Variants in CD72 observed in about 807,000 individuals in gnomAD.
CD72 encodes the protein CD72 molecule.
A neutral mutation model predicts 50.7 loss-of-function variants in CD72; 28 were observed. The observed-to-expected ratio is 0.55, with a 90% CI of 0.41 to 0.76. The LOEUF is 0.76. Among genes scored for constraint, CD72 ranks in the 30% least tolerant of loss-of-function variants. The pLI, the probability that CD72 is intolerant of heterozygous loss-of-function variation, is 0.00. For missense variants in CD72, 403 were observed against 420.6 expected, an observed-to-expected ratio of 0.96 and a Z score of 0.37; for synonymous variants, 176 against 171.2, an observed-to-expected ratio of 1.03 and a Z score of -0.22.
Position 35,618,073 on chromosome 9 carries a change from A to C in CD72, c.131T>G (p.Val44Gly). The C allele has an allele frequency of 6.2e-7, 1 of 1,614,100 alleles. No homozygotes were observed. Among genetic ancestry groups the C allele is most frequent in the East Asian group, 2.2e-5 (1 of 44,882 alleles). The change falls in exon 2 of 9, where the codon GTG becomes GGG. Residue 44 changes from valine (V) to glycine (G), a missense_variant. By Grantham distance (109) the Val-to-Gly change is moderately radical (BLOSUM62 -3). Transcript: ENST00000259633. ...TGAGGGCACCCCTAGGACTGCGGGC[A>C]CTTGAACATTCTCGTAGGTGATTTC... ...DGEITYENVQ[V>G]PAVLGVPSSL...
chr9:35,631,667 G>C (rs1468953843), intron 1 of CD72, among the ~76,000 whole-genome samples: 2 of 152,154 alleles, frequency 1.3e-5, no homozygotes, highest in Non-Finnish European at 2.9e-5. Flanking sequence ...GCCGAGGCGG[G>C]CGGATCACGA....
At chr9:35,617,001 C>T in intron 3 of CD72, 175 bp downstream of exon 3, 1 of 1,449,800 alleles carries the variant, frequency 6.9e-7, no homozygotes, top group Non-Finnish European at 9.0e-7. Context: ...GGGCGGTGCA[C>T]GTCGGATTCA....
At chr9:35,618,587 C>A, upstream of CD72, 1 of 673,686 alleles carries the variant, frequency 1.5e-6, no homozygotes, top group Non-Finnish European at 2.5e-6. Context: ...GTCCCCATGT[C>A]CTCCCTGTGC....
At chr9:35,623,433 A>G (rs1823163179), upstream of CD72, among the ~76,000 whole-genome samples, 2 of 152,188 alleles carry the variant, frequency 1.3e-5, no homozygotes, top group South Asian at 4.1e-4. Context: ...TACCAAATAC[A>G]TCTAACATTG....
chr9:35,633,983 C>A (rs1283754108), intron 1 of CD72, among the ~76,000 whole-genome samples: 1 of 152,114 alleles, frequency 6.6e-6, no homozygotes, highest in Non-Finnish European at 1.5e-5. Context: ...AAGTGTGTTT[C>A]TCTTAAGTAA....
At chr9:35,631,096 T>C (rs966749310) in intron 1 of CD72, among the ~76,000 whole-genome samples, 52 of 152,196 alleles carry the variant, frequency 3.4e-4, no homozygotes, top group African/African-American at 1.3e-3. Flanking sequence ...AACTCTAAAT[T>C]GAAACTGCTT....
intron 1 of CD72, among the ~76,000 whole-genome samples, chr9:35,638,153 G>A (rs1225126776): frequency 5.9e-5 from 9 of 152,084 alleles, no homozygotes; most frequent in Admixed American, 2.0e-4. Flanking sequence ...ACATCCGGGC[G>A]TCTTTCACAC....
Position 35,618,050 on chromosome 9 carries a change from A to G in CD72, c.154T>C (p.Ser52Pro). The change falls in exon 2 of 9, where the codon TCA (serine) becomes CCA (proline). Residue 52 changes from serine (S) to proline (P), a missense_variant. Transcript: ENST00000259633. ...VQVPAVLGVP[S>P]SLASSVLGDK... The stretch of plus-strand genomic sequence containing the variant: ...CCTAGTACAGAAGAAGCCAAGCTTG[A>G]GGGCACCCCTAGGACTGCGGGCACT... 4 of 1,613,732 alleles carry G rather than the reference A, an allele frequency of 2.5e-6. No individual in the cohort carries two copies. The highest frequency in any genetic ancestry group is 3.4e-6 in the Non-Finnish European group (4 of 1,179,640).
chr9:35,617,097 C>G lies in CD72; in HGVS notation c.262+79G>C, dbSNP rs1312210307. 9 of 1,538,048 alleles carry G rather than the reference C, an allele frequency of 5.9e-6. No homozygotes were observed. In the Admixed American group the frequency reaches 1.6e-4, roughly 28 times the overall value. On this transcript the variant is annotated intron_variant, in intron 3 of 8. Coordinates refer to ENST00000259633, the MANE Select transcript of CD72 (RefSeq NM_001782.3). ...GGTTTATCCCGGAAGGAGCTGCACCCCGCGGGGCCCAGCGCCATCCGCAGC... is the reference window on the plus strand; with the variant it reads ...GGTTTATCCCGGAAGGAGCTGCACCGCGCGGGGCCCAGCGCCATCCGCAGC...
chr9:35,616,406 T>C (rs1823064889), intron 4 of CD72, 128 bp from the exon 5 acceptor site: 1 of 868,852 alleles, frequency 1.2e-6, no homozygotes, highest in Admixed American at 2.3e-5. Flanking sequence ...AAGATTTGAC[T>C]GACTAAAGCG....
intron 3 of CD72, 180 bp from the exon 4 acceptor site, chr9:35,616,869 G>GAGGGT: frequency 9.5e-7 from 1 of 1,054,412 alleles, no homozygotes; most frequent in Non-Finnish European, 1.4e-6. Flanking sequence ...AGGTAGGGGA[G>GAGGGT]AGGGTGTTCC....
intron 7 of CD72, 120 bp from the exon 8 acceptor site, chr9:35,610,873 G>C: frequency 1.3e-6 from 1 of 748,230 alleles, no homozygotes; most frequent in Non-Finnish European, 2.3e-6. Context: ...GGCCACATCT[G>C]GGCATGGTTC....
rs771745866 is a variant in CD72 at position 35,616,177 on chromosome 9, G to C, written c.454C>G (p.Gln152Glu). 17 of 1,613,974 alleles carry C rather than the reference G, an allele frequency of 1.1e-5. No homozygotes were observed. The highest frequency in any genetic ancestry group is 8.5e-7 in the Non-Finnish European group (1 of 1,180,020). The change falls in exon 5 of 9, where the codon CAG becomes GAG. Residue 152 changes from glutamine (Q) to glutamate (E), a missense_variant. Transcript: ENST00000259633. ...QLRLKITQLGQSAEDLQGSRR... is the reference protein window; with the variant it reads ...QLRLKITQLGESAEDLQGSRR... ...GACCCCTGCAGATCCTCTGCACTCT[G>C]TCCCAGCTGCGTTATCTTGAGGCGG...
At chr9:35,622,774 G>A (rs1278396034), upstream of CD72, among the ~76,000 whole-genome samples, 1 of 149,846 alleles carries the variant, frequency 6.7e-6, no homozygotes. Flanking sequence ...GTGACAGAGC[G>A]AGACTCTGTC....
intron 1 of CD72, among the ~76,000 whole-genome samples, chr9:35,629,566 GTC>G (rs1823224458): frequency 6.6e-6 from 1 of 152,238 alleles, no homozygotes; most frequent in Non-Finnish European, 1.5e-5. Context: ...AAGCTCAACA[GTC>G]TCTGAAAGGT....
At chr9:35,611,758 A>G in intron 7 of CD72, 46 bp downstream of exon 7, 1 of 983,726 alleles carries the variant, frequency 1.0e-6, no homozygotes. Flanking sequence ...GTCTTTATGG[A>G]GGGGATTATG....
chr9:35,626,607 C>G (rs1823198881), intron 1 of CD72, among the ~76,000 whole-genome samples: 1 of 152,138 alleles, frequency 6.6e-6, no homozygotes, highest in African/African-American at 2.4e-5. Context: ...ATGTGGCAAA[C>G]TTTATGTTGT....
upstream of CD72, among the ~76,000 whole-genome samples, chr9:35,623,862 C>T (rs1347308498): frequency 1.3e-5 from 2 of 151,832 alleles, no homozygotes; most frequent in African/African-American, 4.8e-5. Flanking sequence ...TGCAGTGAGC[C>T]GAGATTCCAC....
Position 35,616,224 on chromosome 9 carries a change from T to C in CD72, c.407A>G (p.Asn136Ser), listed in dbSNP as rs1341019268. 1 of 1,614,008 alleles carries C rather than the reference T, an allele frequency of 6.2e-7. No homozygotes were observed. Among genetic ancestry groups the C allele is most frequent in the East Asian group, 2.2e-5 (1 of 44,884 alleles). ...GCGGAGCTGCTGCCTCAGGCTGCTG[T>C]TAGTGACTTCCAGAACCCTGTTCGT... Reference protein sequence around the residue: ...QQTNRVLEVTNSSLRQQLRLK... With the variant: ...QQTNRVLEVTSSSLRQQLRLK... Residue 136 changes from asparagine to serine, a missense_variant, in exon 5 of 9, where the codon AAC becomes AGC. By Grantham distance (46) the Asn-to-Ser change is conservative. Coordinates refer to ENST00000259633, the MANE Select transcript of CD72 (RefSeq NM_001782.3).
Sources: allele counts gnomAD v4.1 joint callset (sites outside exome capture counted in the v4.1 genomes callset), GRCh38; gene constraint gnomAD v4.1.1; transcripts MANE v1.5; gene names NCBI Gene and HGNC (gene_info 2026-07-23, HGNC 2026-07-21).